The following GNG4 variants were observed in gnomAD, a reference collection of about 807,000 sequenced individuals.
GNG4 encodes G protein subunit gamma 4, also known as guanine nucleotide-binding protein G(I)/G(S)/G(O) subunit gamma-4.
A neutral mutation model predicts 5.8 loss-of-function variants in GNG4; 4 were observed. The ratio of observed to expected loss-of-function variants is 0.69; its 90% CI spans 0.34 to 1.57. The LOEUF (loss-of-function observed/expected upper bound fraction) is 1.57, where lower values mean the gene tolerates loss of function less well. GNG4 is among the 40% of genes most tolerant of loss of function. The probability of loss-of-function intolerance (pLI) is 0.06; values close to 1 mark genes in which losing one functional copy is unlikely to be tolerated. For missense variants in GNG4, 96 were observed against 95.1 expected, an observed-to-expected ratio of 1.01 and a Z score of -0.04; for synonymous variants, 29 against 32.9, an observed-to-expected ratio of 0.88 and a Z score of 0.41.
intron 2 of GNG4, among the ~76,000 whole-genome samples, chr1:235,590,198 T>C (rs942319444): frequency 6.6e-6 from 1 of 152,146 alleles, no homozygotes; most frequent in African/African-American, 2.4e-5. Flanking sequence ...CTCATGCCTG[T>C]AATTCCAGCA....
intron 1 of GNG4, among the ~76,000 whole-genome samples, chr1:235,599,650 C>T (rs937234774): frequency 1.3e-5 from 2 of 152,114 alleles, no homozygotes; most frequent in Non-Finnish European, 2.9e-5. Context: ...TTCAGGTTTA[C>T]GTTAGAGTTT....
At chr1:235,593,651 T>C (rs1398611465) in intron 2 of GNG4, among the ~76,000 whole-genome samples, 1 of 152,128 alleles carries the variant, frequency 6.6e-6, no homozygotes. Flanking sequence ...TGTTCGGATA[T>C]GTTTGGAGTT....
At position 235,644,487 on chromosome 1, in the gene GNG4, C is replaced by T. The variant is rs557030948; in HGVS notation, c.-123+5175G>A. The stretch of plus-strand genomic sequence containing the variant: ...CTGGTAACACCTTCTTCCCCGCACA[C>T]ACCGTCAAACACATGCACGGTGTAG... On this transcript the variant is annotated intron_variant, in intron 1 of 3. Transcript: ENST00000391854. The surrounding 1 kb of genome is among the most constrained non-coding windows in gnomAD (Gnocchi z 5.9). Among the ~76,000 whole-genome samples the T allele has an allele frequency of 1.1e-4, 16 of 152,372 alleles. No individual in the cohort carries two copies. In the East Asian group the frequency reaches 2.9e-3, roughly 28 times the overall value.
At chr1:235,561,868 T>A (rs1201679409) in intron 3 of GNG4, among the ~76,000 whole-genome samples, 3 of 152,256 alleles carry the variant, frequency 2.0e-5, no homozygotes, top group African/African-American at 7.2e-5. Context: ...TGCTGTTGTA[T>A]CTAAAAACTC....
chr1:235,624,964 C>T (rs1015798095), intron 1 of GNG4, among the ~76,000 whole-genome samples: 2 of 152,168 alleles, frequency 1.3e-5, no homozygotes, highest in Non-Finnish European at 2.9e-5. Context: ...TGACCTCAAA[C>T]GTAGGTTCAA....
intron 1 of GNG4, among the ~76,000 whole-genome samples, chr1:235,600,205 C>T (rs1688229554): frequency 6.8e-6 from 1 of 147,332 alleles, no homozygotes. Flanking sequence ...ACCTCCACCT[C>T]CTGGGTTCAA....
intron 3 of GNG4, among the ~76,000 whole-genome samples, chr1:235,563,918 T>C (rs576922635): frequency 3.3e-5 from 5 of 152,340 alleles, no homozygotes; most frequent in South Asian, 2.1e-4. Context: ...TTTTGAGTGC[T>C]GTTCCCAGAA....
intron 3 of GNG4, among the ~76,000 whole-genome samples, chr1:235,553,080 A>G (rs450773): frequency 0.66 from 100,431 of 151,994 alleles, 34,088 homozygotes; most frequent in East Asian, 0.85. Context: ...TTTAACTTGG[A>G]GTGGCCACTT....
chr1:235,592,036 G>A (rs1003523371), intron 2 of GNG4, among the ~76,000 whole-genome samples: 4 of 152,288 alleles, frequency 2.6e-5, no homozygotes. Flanking sequence ...CAATAGCCAA[G>A]GAAGCTAGAA....
chr1:235,584,073 A>G (rs374038386), intron 2 of GNG4, among the ~76,000 whole-genome samples: 1 of 152,202 alleles, frequency 6.6e-6, no homozygotes, highest in East Asian at 1.9e-4. Flanking sequence ...AGTCCCGGGG[A>G]CAGTGAGAAG....
chr1:235,600,207 T>A (rs1688229710), intron 1 of GNG4, among the ~76,000 whole-genome samples: 1 of 142,792 alleles, frequency 7.0e-6, no homozygotes, highest in African/African-American at 2.6e-5. Context: ...CTCCACCTCC[T>A]GGGTTCAAGA....
chr1:235,566,633 C>G (rs1295876168), intron 3 of GNG4: 1 of 152,836 alleles, frequency 6.5e-6, no homozygotes, highest in East Asian at 1.9e-4. Flanking sequence ...GTTCCTAGTG[C>G]CAAAAAGGGT....
At chr1:235,627,755 G>T (rs1688845706) in intron 1 of GNG4, among the ~76,000 whole-genome samples, 1 of 152,182 alleles carries the variant, frequency 6.6e-6, no homozygotes, top group Admixed American at 6.5e-5. Context: ...CATCAGAGAG[G>T]AAGACTGGAG....
rs541372215 is a variant in GNG4, at chr1:235,573,594, A to G, written c.99+10146T>C. ...AGATCGAGACCATCCTGGGTAACAC[A>G]GTGAAACCCCGTCTCTACTAAAAAT... On this transcript the variant is annotated intron_variant, in intron 3 of 3. Transcript: ENST00000391854. Among the ~76,000 whole-genome samples the G allele has an allele frequency of 3.4e-3, 517 of 152,140 alleles. 3 individuals are homozygous for G. Among genetic ancestry groups the G allele is most frequent in the Middle Eastern group, 0.014 (4 of 294 alleles).
At chr1:235,595,284 A>G (rs1350043513) in intron 2 of GNG4, 116 bp downstream of exon 2, 2 of 152,558 alleles carry the variant, frequency 1.3e-5, no homozygotes, top group African/African-American at 4.8e-5. Context: ...TGCTGTGAGG[A>G]CCTGGCCACC....
At chr1:235,562,287 C>T (rs1213734025) in intron 3 of GNG4, among the ~76,000 whole-genome samples, 1 of 152,100 alleles carries the variant, frequency 6.6e-6, no homozygotes, top group Admixed American at 6.5e-5. Flanking sequence ...ATTGGCTATT[C>T]TGGGTCTTTT....
intron 1 of GNG4, among the ~76,000 whole-genome samples, chr1:235,608,764 A>T (rs1206701515): frequency 6.6e-6 from 1 of 151,336 alleles, no homozygotes; most frequent in East Asian, 1.9e-4. Flanking sequence ...GCTCACTGCA[A>T]CCTCCGCCTC....
intron 3 of GNG4, among the ~76,000 whole-genome samples, chr1:235,582,656 A>G (rs1194848192): frequency 6.6e-6 from 1 of 152,050 alleles, no homozygotes; most frequent in African/African-American, 2.4e-5. Context: ...CTGGGTTCTA[A>G]ACTTGCTCCC....
At chr1:235,570,190 A>G (rs1285787028) in intron 3 of GNG4, among the ~76,000 whole-genome samples, 1 of 152,064 alleles carries the variant, frequency 6.6e-6, no homozygotes, top group Non-Finnish European at 1.5e-5. Context: ...CTGGATTTCT[A>G]TCAGCTTCTA....
Sources: allele counts gnomAD v4.1 joint callset (sites outside exome capture counted in the v4.1 genomes callset), GRCh38; gene constraint gnomAD v4.1.1; non-coding constraint Gnocchi (gnomAD v3.1); transcripts MANE v1.5; gene names NCBI Gene and HGNC (gene_info 2026-07-23, HGNC 2026-07-21).